LPCAT4: variants seen among roughly 807,000 people sequenced by gnomAD.
LPCAT4 encodes the protein lysophosphatidylcholine acyltransferase 4.
LPCAT4 carries 30 observed loss-of-function variants against 66.5 expected under a neutral mutation model. The observed-to-expected ratio is 0.45, with a 90% CI of 0.34 to 0.61. The LOEUF is 0.61. LPCAT4 is among the 20% of genes least tolerant of loss of function. The probability of loss-of-function intolerance (pLI) is 0.01; values close to 1 mark genes in which losing one functional copy is unlikely to be tolerated. For missense variants in LPCAT4, 557 were observed against 656.7 expected (o/e 0.85, Z 1.66); for synonymous variants, 253 against 262.1 (o/e 0.97, Z 0.34).
chr15:34,360,013 T>C, intron 12 of LPCAT4, 98 bp downstream of exon 12: 1 of 1,030,466 alleles, frequency 9.7e-7, no homozygotes, highest in African/African-American at 1.6e-5. Context: ...AAATGCCTAG[T>C]ATCTAGAAGC....
intron 11 of LPCAT4, among the ~76,000 whole-genome samples, chr15:34,360,504 C>T (rs868599657): frequency 2.6e-5 from 4 of 152,234 alleles, no homozygotes; most frequent in Non-Finnish European, 4.4e-5. Context: ...GACATGCCAG[C>T]GGAGGGCAGT....
chr15:34,361,377 G>A, intron 11 of LPCAT4, 23 bp downstream of exon 11: 1 of 1,614,014 alleles, frequency 6.2e-7, no homozygotes, highest in Non-Finnish European at 8.5e-7. Context: ...GTTCTGCTCT[G>A]CTCTTTGTTC....
chr15:34,359,933 G>A, intron 12 of LPCAT4, 178 bp downstream of exon 12: 1 of 799,722 alleles, frequency 1.3e-6, no homozygotes, highest in Non-Finnish European at 2.0e-6. Context: ...TTCTTCTTGT[G>A]CCCAGCTAGG....
chr15:34,361,021 C>A, intron 11 of LPCAT4: 1 of 211,212 alleles, frequency 4.7e-6, no homozygotes, highest in South Asian at 9.6e-5. Context: ...AACCATCTAA[C>A]TGTCCGGTGT....
At position 34,367,061 on chromosome 15, in the gene LPCAT4, G is replaced by T; in HGVS notation, c.40C>A (p.Pro14Thr). ...GGGGATGCTGGGGGTCCGGGGGTGGGATCTAGGGGGGCCCAGTCCCCCGGA... is the reference window on the plus strand; with the variant it reads ...GGGGATGCTGGGGGTCCGGGGGTGGTATCTAGGGGGGCCCAGTCCCCCGGA... ...GSPGDWAPLD[P>T]TPGPPASPNP... Residue 14 changes from proline to threonine, a missense_variant, in exon 1 of 14, where the codon CCC (proline) becomes ACC (threonine). This residue lies in a region of LPCAT4 where 94 missense variants were observed against 71.5 expected (regional missense o/e 1.32). Transcript: ENST00000314891. 7.9e-7 allele frequency: 1 copy of T among 1,264,196 alleles called. No individual in the cohort carries two copies. The highest frequency in any genetic ancestry group is 1.3e-5 in the South Asian group (1 of 79,094). 78.3% of individuals were successfully genotyped at this position (1,264,196 alleles called of 1,614,324 possible).
chr15:34,364,969 G>C, intron 3 of LPCAT4, 39 bp downstream of exon 3: 5 of 1,551,282 alleles, frequency 3.2e-6, no homozygotes, highest in Non-Finnish European at 3.5e-6. Context: ...TTTGCCCAGA[G>C]TTGTCACCCT....
chr15:34,360,227 C>T lies in LPCAT4; in HGVS notation c.1144-18G>A, dbSNP rs1187032520. On this transcript the variant is annotated intron_variant, in intron 11 of 13. Transcript: ENST00000314891. ...TTGGTATCCTGGTGTGAAAAAGAAA[C>T]CAGGGCAATGCGGGGACCCTGCGCC... is the stretch of plus-strand genomic sequence containing the variant. 1 of 1,605,166 alleles carries T rather than the reference C, an allele frequency of 6.2e-7. No homozygotes were observed. Among genetic ancestry groups the T allele is most frequent in the East Asian group, 2.2e-5 (1 of 44,836 alleles).
chr15:34,364,413 T>G, intron 3 of LPCAT4, 107 bp from the exon 4 acceptor site: 3 of 293,516 alleles, frequency 1.0e-5, no homozygotes, highest in East Asian at 8.4e-5. Context: ...TGTTATCTCT[T>G]TTTTTTTTTT....
intron 10 of LPCAT4, 82 bp downstream of exon 10, chr15:34,362,114 T>A: frequency 6.5e-7 from 1 of 1,532,382 alleles, no homozygotes; most frequent in Non-Finnish European, 8.9e-7. Flanking sequence ...TTTTCCTTCT[T>A]CCTTCTCATT....
Position 34,365,038 on chromosome 15 carries a change from C to A in LPCAT4, c.448G>T (p.Ala150Ser), listed in dbSNP as rs769663230. The A allele has an allele frequency of 6.2e-7, 1 of 1,613,272 alleles. No individual in the cohort carries two copies. The highest frequency in any genetic ancestry group is 8.5e-7 in the Non-Finnish European group (1 of 1,179,220). ...ATGACAGGAACGGAAAGGTTCTCAG[C>A]TCGGGACACAACTTTGGGCAGGTCA... Reference protein sequence around the residue: ...PCDLPKVVSRAENLSVPVIGA... With the variant: ...PCDLPKVVSRSENLSVPVIGA... Residue 150 changes from alanine to serine, a missense_variant, in exon 3 of 14, where the codon GCT becomes TCT. By Grantham distance (99) the Ala-to-Ser change is moderately conservative. Around this residue, in one of 4 missense-constraint regions of LPCAT4, gnomAD observed 392 missense variants for 473.9 expected, o/e 0.83. Transcript: ENST00000314891.
chr15:34,361,075 T>G, intron 11 of LPCAT4: 1 of 531,232 alleles, frequency 1.9e-6, no homozygotes, highest in Non-Finnish European at 2.7e-6. Context: ...TTCATGACTC[T>G]CCTTCAAAGA....
At position 34,363,311 on chromosome 15, in the gene LPCAT4, G is replaced by T; in HGVS notation, c.746+111C>A. The T allele has an allele frequency of 8.5e-7, 1 of 1,173,636 alleles. No individual in the cohort carries two copies. The allele number at this position is 1,173,636 out of a possible 1,614,324, so 72.7% of individuals were successfully genotyped here. ...TGGTGTCTCCTCTAGAGTTCTCTCA[G>T]TCCTCAGATGAAGAAGGGCCATTCA... On this transcript the variant is annotated intron_variant, in intron 7 of 13. Coordinates refer to ENST00000314891, the MANE Select transcript of LPCAT4 (RefSeq NM_153613.3). This position sits in a 1 kb window ranked among gnomAD's most constrained non-coding sequence, Gnocchi z 4.3.
chr15:34,366,607 G>C (rs1891083109), intron 1 of LPCAT4, among the ~76,000 whole-genome samples: 2 of 151,710 alleles, frequency 1.3e-5, no homozygotes, highest in Non-Finnish European at 2.9e-5. Context: ...AGGAATACTC[G>C]GCACGCCCCC....
chr15:34,359,708 A>T lies in LPCAT4; in HGVS notation c.1280T>A (p.Leu427Gln), dbSNP rs778103639. The part of the protein sequence containing the change: ...AEEQAEGPNR[L>Q]LYKDGFSTIL... ...GGTGCTGAAGCCGTCTTTGTACAGC[A>T]GGCGGTTGGGACCCTCTGCTTGCTC... is the stretch of plus-strand genomic sequence containing the variant. Residue 427 changes from leucine (L) to glutamine (Q), a missense_variant, in exon 13 of 14, where the codon CTG becomes CAG. Leu to Gln is a moderately radical substitution (Grantham distance 113). This residue lies in a region of LPCAT4 where 392 missense variants were observed against 473.9 expected (regional missense o/e 0.83). Coordinates refer to ENST00000314891, the MANE Select transcript of LPCAT4 (RefSeq NM_153613.3). The T allele has an allele frequency of 6.2e-7, 1 of 1,613,754 alleles. No individual in the cohort carries two copies. Among genetic ancestry groups the T allele is most frequent in the Non-Finnish European group, 8.5e-7 (1 of 1,179,986 alleles).
At position 34,363,010 on chromosome 15, in the gene LPCAT4, G is replaced by A. The variant is rs969339652; in HGVS notation, c.747-174C>T. 2.2e-5 allele frequency: 15 copies of A among 677,770 alleles called. No individual in the cohort carries two copies. The highest frequency in any genetic ancestry group is 3.1e-5 in the Non-Finnish European group (12 of 383,808). The allele number at this position is 677,770 out of a possible 1,614,324, so 42.0% of individuals were successfully genotyped here. ...CAGGTGGGTGAATATGCAGTTGGGA[G>A]ACACAAGGAACGGCCAGAAACGCGG... On this transcript the variant is annotated intron_variant, in intron 7 of 13. Transcript: ENST00000314891. This position sits in a 1 kb window ranked among gnomAD's most constrained non-coding sequence, Gnocchi z 4.3.
At chr15:34,359,440 C>T (rs1890888211) in intron 13 of LPCAT4, 138 bp from the exon 14 acceptor site, 2 of 1,323,976 alleles carry the variant, frequency 1.5e-6, no homozygotes, top group South Asian at 1.5e-5. Context: ...TCCTCTCTTC[C>T]TTTCTAGCCT....
At position 34,358,838 on chromosome 15, in the gene LPCAT4, G is replaced by T. The variant is rs1890871333; in HGVS notation, c.*289C>A. Reference sequence around the variant, plus strand: ...AAGAGGACGAACCTTGGAAACATTTGTGATTTTCCAACGGGCGTCCTACAA... The same window carrying T: ...AAGAGGACGAACCTTGGAAACATTTTTGATTTTCCAACGGGCGTCCTACAA... On this transcript the variant is annotated 3_prime_UTR_variant, in exon 14 of 14. Transcript: ENST00000314891. 1.3e-5 allele frequency: 2 copies of T among 159,180 alleles called. No individual in the cohort carries two copies. The highest frequency in any genetic ancestry group is 6.4e-5 in the Admixed American group (1 of 15,564). 9.9% of individuals were successfully genotyped at this position (159,180 alleles called of 1,614,324 possible).
At chr15:34,364,411 C>CTTTTTTTTT (rs60508631) in intron 3 of LPCAT4, 105 bp from the exon 4 acceptor site, 1 of 517,326 alleles carries the variant, frequency 1.9e-6, no homozygotes, top group Non-Finnish European at 3.4e-6. Flanking sequence ...TCTGTTATCT[C>CTTTTTTTTT]TTTTTTTTTT....
rs998900730 is a variant in LPCAT4 at position 34,361,163 on chromosome 15, C to T, written c.1143+237G>A. 19 of 1,352,156 alleles carry T rather than the reference C, an allele frequency of 1.4e-5. 1 individual carries two copies. Among genetic ancestry groups the T allele is most frequent in the Middle Eastern group, 2.8e-4 (1 of 3,522 alleles). The allele number at this position is 1,352,156 out of a possible 1,614,324, so 83.8% of individuals were successfully genotyped here. A position where few individuals can be genotyped will look rare whatever the true frequency, so the allele number is the denominator to read the frequency against. ...TAAAGTGGTTTCAGAAATTTATAGTCCTTACTGATTATTTCTCCCTTGTTC... is the reference window on the plus strand; with the variant it reads ...TAAAGTGGTTTCAGAAATTTATAGTTCTTACTGATTATTTCTCCCTTGTTC... On this transcript the variant is annotated intron_variant, in intron 11 of 13. Transcript: ENST00000314891.
Sources: allele counts gnomAD v4.1 joint callset (sites outside exome capture counted in the v4.1 genomes callset), GRCh38; gene constraint gnomAD v4.1.1; regional missense constraint gnomAD v4.1.1; non-coding constraint Gnocchi (gnomAD v3.1); transcripts MANE v1.5; gene names NCBI Gene and HGNC (gene_info 2026-07-23, HGNC 2026-07-21).